FERRY3: variants seen among roughly 807,000 people sequenced by gnomAD.
The protein encoded by FERRY3 is FERRY endosomal RAB5 effector complex subunit 3.
At chr12:4,519,145 CT>C in the FERRY3 span, among the ~76,000 whole-genome samples, 2 of 152,130 alleles carry the variant, frequency 1.3e-5, no homozygotes, top group Non-Finnish European at 2.9e-5. The surrounding 1 kb of genome is among the most constrained non-coding windows in gnomAD (Gnocchi z 4.3). Context: ...CCATTTAACA[CT>C]TTTAGCAGCC....
the FERRY3 span, among the ~76,000 whole-genome samples, chr12:4,491,720 C>T: frequency 3.3e-5 from 5 of 152,252 alleles, no homozygotes; most frequent in East Asian, 3.9e-4. Context: ...CAAATATGGA[C>T]GTAAGTGTCA....
At chr12:4,491,763 T>G in the FERRY3 span, among the ~76,000 whole-genome samples, 2 of 152,188 alleles carry the variant, frequency 1.3e-5, no homozygotes, top group African/African-American at 4.8e-5. Context: ...CTGATAATCT[T>G]CCACAGTATG....
At chr12:4,495,559 T>C in the FERRY3 span, among the ~76,000 whole-genome samples, 5,525 of 152,266 alleles carry the variant, frequency 0.036, 332 homozygotes, top group African/African-American at 0.12. Context: ...TAGTTTTGAA[T>C]ACCCACAAAT....
the FERRY3 span, among the ~76,000 whole-genome samples, chr12:4,491,799 C>A: frequency 7.2e-5 from 11 of 152,216 alleles, no homozygotes; most frequent in African/African-American, 2.4e-4. Context: ...ATTTAAAAAT[C>A]TGTCCCCCTT....
chr12:4,491,677 T>A, the FERRY3 span, among the ~76,000 whole-genome samples: 10 of 152,296 alleles, frequency 6.6e-5, 1 homozygote, highest in Admixed American at 6.5e-4. Flanking sequence ...AACAAATGCA[T>A]TCATTTTTCT....
At chr12:4,496,096 G>C in the FERRY3 span, among the ~76,000 whole-genome samples, 1 of 152,162 alleles carries the variant, frequency 6.6e-6, no homozygotes, top group Admixed American at 6.5e-5. Flanking sequence ...ACATACGTCT[G>C]AGTTGTTTTC....
At chr12:4,517,226 G>A in the FERRY3 span, 53 of 1,485,308 alleles carry the variant, frequency 3.6e-5, no homozygotes, top group Middle Eastern at 3.5e-4. Context: ...TTCTAAATGC[G>A]AACTATCAAA....
the FERRY3 span, among the ~76,000 whole-genome samples, chr12:4,526,948 T>C: frequency 6.6e-6 from 1 of 152,128 alleles, no homozygotes; most frequent in Non-Finnish European, 1.5e-5. Flanking sequence ...TTTCTATATA[T>C]ACCTTCTGGT....
the FERRY3 span, chr12:4,488,222 T>C: frequency 6.6e-6 from 1 of 152,212 alleles, no homozygotes; most frequent in Non-Finnish European, 1.5e-5. This position sits in a 1 kb window ranked among gnomAD's most constrained non-coding sequence, Gnocchi z 4.9. Flanking sequence ...CTTAGTGGAA[T>C]AGCCTAGAGG....
chr12:4,489,743 G>T, the FERRY3 span: 1 of 1,189,134 alleles, frequency 8.4e-7, no homozygotes, highest in Non-Finnish European at 1.2e-6. Context: ...CAGATTCCCA[G>T]CATAGCACAA....
the FERRY3 span, chr12:4,502,273 T>C: frequency 2.8e-6 from 1 of 362,402 alleles, no homozygotes; most frequent in Admixed American, 3.9e-5. This position sits in a 1 kb window ranked among gnomAD's most constrained non-coding sequence, Gnocchi z 4.2. Flanking sequence ...GGGATTTTAT[T>C]TTGTTAAATG....
the FERRY3 span, chr12:4,488,889 AC>A: frequency 1.8e-4 from 28 of 152,212 alleles, 1 homozygote; most frequent in Non-Finnish European, 2.9e-5. The surrounding 1 kb of genome is among the most constrained non-coding windows in gnomAD (Gnocchi z 4.9). Flanking sequence ...GATATGTAGC[AC>A]CTGAGAAAGT....
At chr12:4,488,450 CCTT>C in the FERRY3 span, 1 of 152,242 alleles carries the variant, frequency 6.6e-6, no homozygotes, top group East Asian at 1.9e-4. The surrounding 1 kb of genome is among the most constrained non-coding windows in gnomAD (Gnocchi z 4.9). Flanking sequence ...AAAACACCTG[CCTT>C]CTTGGCAGAA....
At chr12:4,536,029 A>C in the FERRY3 span, 1 of 1,560,510 alleles carries the variant, frequency 6.4e-7, no homozygotes, top group Non-Finnish European at 8.6e-7. Context: ...TTTTCTATAA[A>C]GCACGGTAAA....
the FERRY3 span, among the ~76,000 whole-genome samples, chr12:4,516,674 C>T: frequency 6.6e-6 from 1 of 152,086 alleles, no homozygotes; most frequent in Non-Finnish European, 1.5e-5. Flanking sequence ...AACACACGGA[C>T]GCATTGTGGG....
chr12:4,494,085 TC>T, the FERRY3 span, among the ~76,000 whole-genome samples: 2 of 152,238 alleles, frequency 1.3e-5, no homozygotes, highest in South Asian at 4.1e-4. Flanking sequence ...AGAGCAGGAC[TC>T]CGTCTCAAAA....
At chr12:4,525,687 T>C in the FERRY3 span, 1 of 821,340 alleles carries the variant, frequency 1.2e-6, no homozygotes, top group Non-Finnish European at 1.8e-6. Flanking sequence ...AAAAAATTTA[T>C]TTTATAGAAA....
At chr12:4,517,991 C>G in the FERRY3 span, 1 of 1,449,912 alleles carries the variant, frequency 6.9e-7, no homozygotes, top group Non-Finnish European at 9.5e-7. Context: ...CCTGTAATTC[C>G]TTTCTTTGTA....
the FERRY3 span, among the ~76,000 whole-genome samples, chr12:4,534,702 C>G: frequency 6.6e-6 from 1 of 152,194 alleles, no homozygotes. Flanking sequence ...CTTGCCCAGA[C>G]ATGAAATTTT....
Sources: allele counts gnomAD v4.1 joint callset (sites outside exome capture counted in the v4.1 genomes callset), GRCh38; gene constraint gnomAD v4.1.1; non-coding constraint Gnocchi (gnomAD v3.1); transcripts MANE v1.5; gene names NCBI Gene and HGNC (gene_info 2026-07-23, HGNC 2026-07-21).